The following RPTOR variants were observed in gnomAD, a reference collection of about 807,000 sequenced individuals.
RPTOR encodes the protein regulatory-associated protein of mTOR.
In RPTOR, 21 loss-of-function variants were observed where a neutral mutation model predicts 169.9. The ratio of observed to expected loss-of-function variants is 0.12; its 90% CI spans 0.09 to 0.18. The LOEUF (loss-of-function observed/expected upper bound fraction) is 0.18. RPTOR is among the 10% of genes least tolerant of loss of function. The pLI is 1.00. For missense variants in RPTOR, 1,133 were observed against 1,855.9 expected (o/e 0.61, Z 7.16); for synonymous variants, 732 against 753.2 (o/e 0.97, Z 0.46).
At chr17:80,551,278 A>C (rs1462234747) in intron 1 of RPTOR, among the ~76,000 whole-genome samples, 1 of 152,184 alleles carries the variant, frequency 6.6e-6, no homozygotes, top group African/African-American at 2.4e-5. Context: ...TTGGAAAAGA[A>C]AAAGAAACAG....
chr17:80,797,942 A>T (rs1180640837), intron 7 of RPTOR, among the ~76,000 whole-genome samples: 1 of 152,198 alleles, frequency 6.6e-6, no homozygotes, highest in East Asian at 1.9e-4. Context: ...GGTACAGTTG[A>T]GAGACAAACA....
chr17:80,923,395 G>A (rs774200263), intron 22 of RPTOR, 95 bp from the exon 23 acceptor site: 26 of 1,402,974 alleles, frequency 1.9e-5, no homozygotes, highest in African/African-American at 2.8e-5. Context: ...GTGGCACCTG[G>A]GAGGGTGCAG....
At chr17:80,696,898 G>A (rs776334984) in intron 3 of RPTOR, among the ~76,000 whole-genome samples, 6 of 152,212 alleles carry the variant, frequency 3.9e-5, no homozygotes, top group Admixed American at 6.5e-5. Flanking sequence ...GGGTGTTAGT[G>A]TGCTCATTAG....
At chr17:80,753,960 T>C in intron 5 of RPTOR, 50 bp from the exon 6 acceptor site, 1 of 1,527,422 alleles carries the variant, frequency 6.5e-7, no homozygotes, top group Non-Finnish European at 9.0e-7. Context: ...TATTTGGTTG[T>C]GACCAGCAGC....
chr17:80,931,685 G>C (rs2068899088), intron 24 of RPTOR, among the ~76,000 whole-genome samples: 1 of 152,218 alleles, frequency 6.6e-6, no homozygotes, highest in African/African-American at 2.4e-5. Flanking sequence ...CTCCAGCAGG[G>C]CGAGGACCTG....
rs536055845 is a variant in RPTOR at position 80,965,680 on chromosome 17, G to A, written c.*1350G>A. ...CCTGCGGTGTGGCTGGTGGCCTGCC[G>A]TGGCCAAGAGCATCTTCTGGGTGGA... On this transcript the variant is annotated 3_prime_UTR_variant, in exon 34 of 34. Coordinates refer to ENST00000306801, the MANE Select transcript of RPTOR (RefSeq NM_020761.3). 47 of 233,296 alleles carry A rather than the reference G, an allele frequency of 2.0e-4. 1 individual carries two copies. In the East Asian group the frequency reaches 2.4e-3, roughly 12 times the overall value. 14.5% of individuals were successfully genotyped at this position (233,296 alleles called of 1,614,324 possible). A position where few individuals can be genotyped will look rare whatever the true frequency, so the allele number is the denominator to read the frequency against.
In RPTOR at chr17:80,949,426, CCTCT is replaced by C; in HGVS notation, c.3266-13_3266-10del. ...TCGAGGGGCCTGGTTCACATCCTTT[CCTCT>C]CTCCCTCCCCAGACGATGGTGCCAT... On this transcript the variant is annotated splice_polypyrimidine_tract_variant and intron_variant, in intron 27 of 33. Transcript: ENST00000306801. 1.2e-6 allele frequency: 2 copies of C among 1,605,540 alleles called. No homozygotes were observed. The highest frequency in any genetic ancestry group is 1.7e-6 in the Non-Finnish European group (2 of 1,172,174).
intron 1 of RPTOR, among the ~76,000 whole-genome samples, chr17:80,546,354 T>A (rs1409175603): frequency 6.6e-6 from 1 of 152,270 alleles, no homozygotes; most frequent in Non-Finnish European, 1.5e-5. Context: ...TGTAGTGTCC[T>A]GTTGCTGTAA....
At chr17:80,927,599 CGTGT>C (rs1401087528) in intron 24 of RPTOR, among the ~76,000 whole-genome samples, 3 of 37,246 alleles carry the variant, frequency 8.1e-5, no homozygotes, top group African/African-American at 4.9e-4. Context: ...TGTGGAAGGC[CGTGT>C]GTGTGTCTGT....
At position 80,880,322 on chromosome 17, in the gene RPTOR, G is replaced by A. The variant is rs975429958; in HGVS notation, c.1510-93G>A. ...GGAGGAAATAATTGAGGTATAAGAA[G>A]TCCCTGCCCTTATTCGTTCACGCAC... On this transcript the variant is annotated intron_variant, in intron 13 of 33. Transcript: ENST00000306801. The A allele has an allele frequency of 2.9e-6, 3 of 1,047,088 alleles. No individual in the cohort carries two copies. In the African/African-American group the frequency reaches 4.7e-5, roughly 16 times the overall value. The allele number at this position is 1,047,088 out of a possible 1,614,324, so 64.9% of individuals were successfully genotyped here.
At chr17:80,853,203 G>A (rs770003888) in intron 11 of RPTOR, among the ~76,000 whole-genome samples, 7 of 152,092 alleles carry the variant, frequency 4.6e-5, no homozygotes, top group Non-Finnish European at 1.0e-4. Context: ...CATGCCGTCG[G>A]CGGGGCCTTT....
intron 20 of RPTOR, among the ~76,000 whole-genome samples, chr17:80,898,908 A>ACC (rs2068441466): frequency 6.6e-6 from 1 of 151,986 alleles, no homozygotes; most frequent in South Asian, 2.1e-4. Flanking sequence ...CCCGAAACAG[A>ACC]CGCAGGGCAT....
chr17:80,597,298 A>G (rs551032173), intron 1 of RPTOR, among the ~76,000 whole-genome samples: 1 of 152,250 alleles, frequency 6.6e-6, no homozygotes, highest in South Asian at 2.1e-4. Flanking sequence ...GAGGGTGTTC[A>G]CAGAGATTTT....
At chr17:80,702,198 T>C (rs1205476794) in intron 3 of RPTOR, among the ~76,000 whole-genome samples, 3 of 151,794 alleles carry the variant, frequency 2.0e-5, no homozygotes, top group African/African-American at 7.3e-5. Flanking sequence ...GGAGCTGCAT[T>C]TTCCTTCATT....
At position 80,949,589 on chromosome 17, in the gene RPTOR, G is replaced by C. The variant is rs764166209; in HGVS notation, c.3370+42G>C. On this transcript the variant is annotated intron_variant, in intron 28 of 33. Coordinates refer to ENST00000306801, the MANE Select transcript of RPTOR (RefSeq NM_020761.3). ...CCTCCCCAGAGCAGAATGTGTTCCC[G>C]GGGCTGCGGACGCACTCGGAATTCC... The C allele has an allele frequency of 2.6e-6, 4 of 1,539,746 alleles. No homozygotes were observed. In the African/African-American group the frequency reaches 5.4e-5, roughly 21 times the overall value.
At chr17:80,614,768 T>C (rs1298464449) in intron 1 of RPTOR, among the ~76,000 whole-genome samples, 1 of 152,230 alleles carries the variant, frequency 6.6e-6, no homozygotes, top group Non-Finnish European at 1.5e-5. Context: ...CATGTGCCAC[T>C]CTGCATTTTG....
rs764913765 is a variant in RPTOR at position 80,965,080 on chromosome 17, CA to C, written c.*751del. 24 of 233,186 alleles carry C rather than the reference CA, an allele frequency of 1.0e-4. No homozygotes were observed. The highest frequency in any genetic ancestry group is 1.8e-4 in the Non-Finnish European group (21 of 118,070). 14.4% of individuals were successfully genotyped at this position (233,186 alleles called of 1,614,324 possible). A position where few individuals can be genotyped will look rare whatever the true frequency, so the allele number is the denominator to read the frequency against. On this transcript the variant is annotated 3_prime_UTR_variant, in exon 34 of 34. Transcript: ENST00000306801. ...CAGCAGGGGCCGCTGTGGCGGTGCACAGGGGAGGCAGGTCCTTGGCGAGGTA... is the reference window on the plus strand; with the variant it reads ...CAGCAGGGGCCGCTGTGGCGGTGCACGGGGAGGCAGGTCCTTGGCGAGGTA...
intron 1 of RPTOR, among the ~76,000 whole-genome samples, chr17:80,559,432 T>G (rs2084451843): frequency 6.6e-6 from 1 of 152,198 alleles, no homozygotes; most frequent in Admixed American, 6.5e-5. Flanking sequence ...AAGCTCACTC[T>G]GTGCCCTCCC....
chr17:80,930,135 C>G (rs577201918), intron 24 of RPTOR, among the ~76,000 whole-genome samples: 59 of 116,908 alleles, frequency 5.0e-4, no homozygotes, highest in Admixed American at 8.6e-4. Flanking sequence ...CCCAGCTGCT[C>G]CTCAGCTCAT....
Sources: gnomAD v4.1 joint callset for allele counts (sites outside exome capture counted in the v4.1 genomes callset) on GRCh38, gnomAD v4.1.1 for gene constraint, MANE v1.5 for transcripts, NCBI Gene and HGNC (gene_info 2026-07-23, HGNC 2026-07-21) for gene names.